The following ZBTB7C variants were observed in gnomAD, a reference collection of about 807,000 sequenced individuals.
The protein encoded by ZBTB7C is zinc finger and BTB domain-containing protein 7C.
A neutral mutation model predicts 25.7 loss-of-function variants in ZBTB7C; 8 were observed. The ratio of observed to expected loss-of-function variants is 0.31; its 90% CI spans 0.18 to 0.56. ZBTB7C has a LOEUF of 0.56. Ranked by LOEUF, ZBTB7C falls within the 20% of genes least tolerant of loss-of-function variation. The pLI, the probability that ZBTB7C is intolerant of heterozygous loss-of-function variation, is 0.91. For missense variants in ZBTB7C, 824 were observed against 855.2 expected, an observed-to-expected ratio of 0.96 and a Z score of 0.46; for synonymous variants, 394 against 369.0, an observed-to-expected ratio of 1.07 and a Z score of -0.78.
chr18:48,320,943 G>C (rs1289047159), intron 2 of ZBTB7C, among the ~76,000 whole-genome samples: 1 of 152,242 alleles, frequency 6.6e-6, no homozygotes, highest in Admixed American at 6.5e-5. Context: ...CTCCAACCAG[G>C]GGTCCTGTTG....
At chr18:48,292,940 A>G (rs927665727) in intron 2 of ZBTB7C, among the ~76,000 whole-genome samples, 4 of 151,862 alleles carry the variant, frequency 2.6e-5, no homozygotes, top group African/African-American at 9.7e-5. Context: ...CTGTGGTGAC[A>G]CCCCCACCCC....
intron 4 of ZBTB7C, 58 bp from the exon 5 acceptor site, chr18:48,029,969 CT>C: frequency 1.9e-6 from 3 of 1,600,068 alleles, no homozygotes; most frequent in South Asian, 1.1e-5. Context: ...CATTCCTAAC[CT>C]TTTGCTCCCC....
chr18:48,029,770 G>A lies in ZBTB7C; in HGVS notation c.1350C>T (p.Cys450=), dbSNP rs1427720818. The A allele has an allele frequency of 1.9e-6, 3 of 1,608,496 alleles. No homozygotes were observed. The highest frequency in any genetic ancestry group is 1.3e-5 in the African/African-American group (1 of 74,944). The change falls in exon 5 of 5, where the codon TGC becomes TGT. Residue 450 remains cysteine (C), a synonymous_variant. Coordinates refer to ENST00000590800, the MANE Select transcript of ZBTB7C (RefSeq NM_001318841.2). ...RIHTGVRPYQ[C]EFCYKSFTRS... is the part of the protein sequence containing the mutation. ...GCGTGAAGCTCTTGTAGCAGAACTC[G>A]CACTGGTAGGGCCGCACGCCCGTGT...
intron 1 of ZBTB7C, among the ~76,000 whole-genome samples, chr18:48,344,363 C>T (rs1056110448): frequency 2.6e-5 from 4 of 152,208 alleles, no homozygotes; most frequent in Admixed American, 2.6e-4. Flanking sequence ...AATGCAGGTG[C>T]TGTTCAGTAG....
At chr18:48,388,434 T>C (rs550754121) in intron 1 of ZBTB7C, among the ~76,000 whole-genome samples, 1 of 152,236 alleles carries the variant, frequency 6.6e-6, no homozygotes, top group East Asian at 1.9e-4. Flanking sequence ...CACCTAGCAG[T>C]GTGTTGGGTA....
chr18:48,331,749 C>T (rs185998489), intron 2 of ZBTB7C, among the ~76,000 whole-genome samples: 403 of 152,236 alleles, frequency 2.6e-3, no homozygotes, highest in African/African-American at 3.7e-3. Context: ...GGGTAAACCA[C>T]GCTCCCAGGA....
chr18:48,344,416 A>G (rs1455407116), intron 1 of ZBTB7C, among the ~76,000 whole-genome samples: 1 of 152,224 alleles, frequency 6.6e-6, no homozygotes, highest in Non-Finnish European at 1.5e-5. Context: ...ACAAGCTCCC[A>G]GGGGATGCCC....
At chr18:48,277,658 C>T (rs992679871) in intron 2 of ZBTB7C, among the ~76,000 whole-genome samples, 7 of 152,184 alleles carry the variant, frequency 4.6e-5, no homozygotes, top group African/African-American at 1.7e-4. Context: ...TGAGGACACA[C>T]CAAAATGTGG....
chr18:48,064,298 T>C (rs1413231629), intron 3 of ZBTB7C, among the ~76,000 whole-genome samples: 2 of 152,268 alleles, frequency 1.3e-5, no homozygotes, highest in Admixed American at 1.3e-4. Flanking sequence ...GCCTTTTTTA[T>C]CCTGTATCCA....
chr18:48,284,811 ACAG>A lies in ZBTB7C; in HGVS notation c.-79+53360_-79+53362del, dbSNP rs370174446. On this transcript the variant is annotated intron_variant, in intron 2 of 4. Transcript: ENST00000590800. ...GTCTCCAAAAAAAAAAAAAAAAAAA[ACAG>A]AGAGAGAGAGAGAGAAGAAAGAAAC... is the stretch of plus-strand genomic sequence containing the variant. Among the ~76,000 whole-genome samples, 699 of 118,196 alleles carry A rather than the reference ACAG, an allele frequency of 5.9e-3. 7 individuals carry two copies. The highest frequency in any genetic ancestry group is 0.022 in the African/African-American group (642 of 29,590). 77.5% of individuals were successfully genotyped at this position (118,196 alleles called of 152,430 possible). A position where few individuals can be genotyped will look rare whatever the true frequency, so the allele number is the denominator to read the frequency against.
At position 48,301,189 on chromosome 18, in the gene ZBTB7C, G is replaced by A. The variant is rs576996535; in HGVS notation, c.-79+36985C>T. On this transcript the variant is annotated intron_variant, in intron 2 of 4. Coordinates refer to ENST00000590800, the MANE Select transcript of ZBTB7C (RefSeq NM_001318841.2). Reference sequence around the variant, plus strand: ...TCCAGAAGGGCTATTTGTTGTGCAGGGAAAAGGAGCCAGAGTAAAAAGGCA... The same window carrying A: ...TCCAGAAGGGCTATTTGTTGTGCAGAGAAAAGGAGCCAGAGTAAAAAGGCA... 2.0e-5 allele frequency among the ~76,000 whole-genome samples: 3 copies of A among 152,304 alleles called. No homozygotes were observed. In the East Asian group the frequency reaches 5.8e-4, roughly 29 times the overall value.
At chr18:48,265,171 T>C (rs888190540) in intron 2 of ZBTB7C, among the ~76,000 whole-genome samples, 4 of 152,124 alleles carry the variant, frequency 2.6e-5, no homozygotes, top group African/African-American at 9.7e-5. Flanking sequence ...TTGGCAAGAG[T>C]CCCTCTACTC....
chr18:48,293,146 A>G (rs150988183), intron 2 of ZBTB7C, among the ~76,000 whole-genome samples: 22 of 152,344 alleles, frequency 1.4e-4, no homozygotes, highest in African/African-American at 5.3e-4. Flanking sequence ...CAAAAATACC[A>G]TAGACTGGGT....
chr18:48,228,935 G>C (rs1244282053), intron 2 of ZBTB7C, among the ~76,000 whole-genome samples: 1 of 151,968 alleles, frequency 6.6e-6, no homozygotes, highest in East Asian at 1.9e-4. Context: ...CCTCACAAAA[G>C]GACTCCAGCT....
intron 3 of ZBTB7C, chr18:48,150,444 T>A (rs2040639358): frequency 6.6e-6 from 1 of 152,108 alleles, no homozygotes; most frequent in South Asian, 2.1e-4. Flanking sequence ...TAGCTGGGTC[T>A]TGTGGCATGC....
chr18:48,088,683 A>G (rs1394313921), intron 3 of ZBTB7C, among the ~76,000 whole-genome samples: 1 of 151,476 alleles, frequency 6.6e-6, no homozygotes, highest in African/African-American at 2.4e-5. Flanking sequence ...CAAAAAAATT[A>G]GCCGGGTGTG....
intron 2 of ZBTB7C, among the ~76,000 whole-genome samples, chr18:48,279,227 G>A (rs16949027): frequency 0.02 from 3,039 of 152,148 alleles, 104 homozygotes; most frequent in African/African-American, 0.069. Flanking sequence ...CCATTAAAAC[G>A]GAATGCCCTG....
intron 2 of ZBTB7C, among the ~76,000 whole-genome samples, chr18:48,263,901 G>C (rs2044240309): frequency 6.6e-6 from 1 of 152,168 alleles, no homozygotes; most frequent in Non-Finnish European, 1.5e-5. Context: ...CCCAAATGGA[G>C]TTAATAAATC....
chr18:48,166,899 G>T (rs934786627), intron 3 of ZBTB7C, among the ~76,000 whole-genome samples: 15 of 143,162 alleles, frequency 1.0e-4, no homozygotes, highest in South Asian at 7.1e-4. Context: ...CTTACTGGCG[G>T]GGGGGAAGCT....
Sources: gnomAD v4.1 joint callset for allele counts (sites outside exome capture counted in the v4.1 genomes callset) on GRCh38, gnomAD v4.1.1 for gene constraint, MANE v1.5 for transcripts, NCBI Gene and HGNC (gene_info 2026-07-23, HGNC 2026-07-21) for gene names.